Variants in GRIK4 observed in about 807,000 individuals in gnomAD.
GRIK4 encodes the protein glutamate receptor ionotropic, kainate 4.
GRIK4 carries 40 observed loss-of-function variants against 104.9 expected under a neutral mutation model. The ratio of observed to expected loss-of-function variants is 0.38; its 90% CI spans 0.30 to 0.50. GRIK4 has a LOEUF of 0.50. GRIK4 is among the 20% of genes least tolerant of loss of function. The pLI is 0.93. For synonymous variants in GRIK4, 485 were observed against 524.9 expected, an observed-to-expected ratio of 0.92 and a Z score of 1.04; for missense variants, 1,047 against 1,308.1, an observed-to-expected ratio of 0.80 and a Z score of 3.08.
chr11:120,665,817 C>T (rs1306326483), intron 3 of GRIK4, among the ~76,000 whole-genome samples: 2 of 152,206 alleles, frequency 1.3e-5, no homozygotes, highest in African/African-American at 4.8e-5. Flanking sequence ...CTGCCACCAA[C>T]ACATTTTGGG....
intron 3 of GRIK4, among the ~76,000 whole-genome samples, chr11:120,774,467 CAGG>C (rs1408504940): frequency 6.6e-6 from 1 of 152,152 alleles, no homozygotes; most frequent in Non-Finnish European, 1.5e-5. Context: ...GATTGCAGGT[CAGG>C]TCAAAAGGCA....
intron 1 of GRIK4, among the ~76,000 whole-genome samples, chr11:120,568,299 T>C (rs1010880494): frequency 5.3e-5 from 8 of 152,188 alleles, no homozygotes; most frequent in Admixed American, 2.0e-4. Flanking sequence ...CCTGCCTGAG[T>C]TGAGTTCTTA....
intron 11 of GRIK4, among the ~76,000 whole-genome samples, chr11:120,883,452 A>G (rs1396540961): frequency 2.0e-5 from 3 of 152,130 alleles, no homozygotes; most frequent in Non-Finnish European, 4.4e-5. Flanking sequence ...GTGCTCCCCT[A>G]CTTCACTAAA....
chr11:120,606,561 A>G (rs895586037), intron 1 of GRIK4, among the ~76,000 whole-genome samples: 5 of 152,214 alleles, frequency 3.3e-5, no homozygotes, highest in Non-Finnish European at 7.3e-5. Flanking sequence ...TCATCTGCTC[A>G]TGCTGGCAAC....
intron 3 of GRIK4, among the ~76,000 whole-genome samples, chr11:120,778,860 T>G (rs949297): frequency 0.021 from 3,247 of 152,218 alleles, 109 homozygotes; most frequent in African/African-American, 0.073. Flanking sequence ...TGCCAGACAA[T>G]AAGGAGGCCA....
chr11:120,770,036 T>G (rs550083966), intron 3 of GRIK4, among the ~76,000 whole-genome samples: 4 of 152,264 alleles, frequency 2.6e-5, no homozygotes, highest in African/African-American at 9.6e-5. Context: ...ACCCATACAT[T>G]TTAGCAGGGC....
chr11:120,797,637 G>A (rs140485439), intron 3 of GRIK4, among the ~76,000 whole-genome samples: 106 of 152,288 alleles, frequency 7.0e-4, no homozygotes, highest in Middle Eastern at 3.4e-3. Context: ...GGTTGAGGCC[G>A]TTTCCAGCCA....
rs764719403 is a variant in GRIK4, at chr11:120,903,857, C to T, written c.1273-1433C>T. ...CTACGGAGTCCTGCTGCCCCCACCA[C>T]GCCTGCCTTCAAAAGGTCGGCAGTG... is the stretch of plus-strand genomic sequence containing the variant. On this transcript the variant is annotated intron_variant, in intron 12 of 20. Coordinates refer to ENST00000527524, the MANE Select transcript of GRIK4 (RefSeq NM_014619.5). This position sits in a 1 kb window ranked among gnomAD's most constrained non-coding sequence, Gnocchi z 4.4. Among the ~76,000 whole-genome samples the T allele has an allele frequency of 5.9e-5, 9 of 152,232 alleles. No individual in the cohort carries two copies. Among genetic ancestry groups the T allele is most frequent in the East Asian group, 3.9e-4 (2 of 5,188 alleles).
chr11:120,742,208 T>C (rs1951344698), intron 3 of GRIK4, among the ~76,000 whole-genome samples: 1 of 151,980 alleles, frequency 6.6e-6, no homozygotes, highest in Non-Finnish European at 1.5e-5. Context: ...TAGCCGGGCA[T>C]GTTGGTGTGT....
intron 3 of GRIK4, among the ~76,000 whole-genome samples, chr11:120,765,804 G>A (rs1951828370): frequency 6.6e-6 from 1 of 152,220 alleles, no homozygotes; most frequent in South Asian, 2.1e-4. Flanking sequence ...AAAGATTGCT[G>A]CCTGCTCCTT....
At chr11:120,714,931 G>A (rs1049936088) in intron 3 of GRIK4, among the ~76,000 whole-genome samples, 2 of 152,186 alleles carry the variant, frequency 1.3e-5, no homozygotes, top group Non-Finnish European at 2.9e-5. Flanking sequence ...GGAGGGACAT[G>A]ATCAGATTTC....
intron 1 of GRIK4, among the ~76,000 whole-genome samples, chr11:120,610,364 A>C (rs1431439404): frequency 2.0e-5 from 3 of 152,236 alleles, no homozygotes; most frequent in Non-Finnish European, 1.5e-5. Context: ...ATGAAGACAA[A>C]ATATACACTC....
At chr11:120,901,167 C>A (rs1174720538) in intron 12 of GRIK4, among the ~76,000 whole-genome samples, 1 of 152,144 alleles carries the variant, frequency 6.6e-6, no homozygotes, top group Non-Finnish European at 1.5e-5. Context: ...ATTGGCCTGG[C>A]ATTTCCTTCC....
At chr11:120,732,481 T>C (rs1461981376) in intron 3 of GRIK4, among the ~76,000 whole-genome samples, 1 of 152,200 alleles carries the variant, frequency 6.6e-6, no homozygotes, top group African/African-American at 2.4e-5. Context: ...TTTGAAATTG[T>C]TTTTATTTTT....
intron 1 of GRIK4, among the ~76,000 whole-genome samples, chr11:120,529,340 C>T (rs1196769486): frequency 1.3e-5 from 2 of 152,194 alleles, no homozygotes; most frequent in Non-Finnish European, 2.9e-5. Context: ...GCAAAGCGAT[C>T]GAGCACCAAA....
At chr11:120,923,428 T>TTA (rs1943267068) in intron 13 of GRIK4, among the ~76,000 whole-genome samples, 1 of 144,526 alleles carries the variant, frequency 6.9e-6, no homozygotes. Context: ...TTTTTTTTTT[T>TTA]TGGAGACGGA....
chr11:120,924,449 A>G (rs568752995), intron 13 of GRIK4, among the ~76,000 whole-genome samples: 1 of 152,270 alleles, frequency 6.6e-6, no homozygotes, highest in African/African-American at 2.4e-5. Flanking sequence ...AAATAGACAT[A>G]TAGAAAAGTG....
intron 11 of GRIK4, among the ~76,000 whole-genome samples, chr11:120,893,074 C>G (rs1161113817): frequency 6.6e-6 from 1 of 152,226 alleles, no homozygotes; most frequent in Non-Finnish European, 1.5e-5. Flanking sequence ...TATCAAGGCA[C>G]AGTGTAATAA....
chr11:120,898,438 A>G, intron 11 of GRIK4, 94 bp from the exon 12 acceptor site: 5 of 726,848 alleles, frequency 6.9e-6, no homozygotes, highest in Admixed American at 2.0e-5. Flanking sequence ...CCCTGCTCAC[A>G]TGCAGCCCAG....
Sources: allele counts gnomAD v4.1 joint callset (sites outside exome capture counted in the v4.1 genomes callset), GRCh38; gene constraint gnomAD v4.1.1; non-coding constraint Gnocchi (gnomAD v3.1); transcripts MANE v1.5; gene names NCBI Gene and HGNC (gene_info 2026-07-23, HGNC 2026-07-21).